IL1RAPL1: variants seen among roughly 807,000 people sequenced by gnomAD.
IL1RAPL1 encodes the protein interleukin 1 receptor accessory protein like 1, also known as interleukin-1 receptor accessory protein-like 1.
Under a neutral mutation model 48.4 loss-of-function variants are expected in IL1RAPL1, and 3 were observed. The ratio of observed to expected loss-of-function variants is 0.06; its 90% CI spans 0.03 to 0.16. The LOEUF (loss-of-function observed/expected upper bound fraction) is 0.16, where lower values mean the gene tolerates loss of function less well. Among genes scored for constraint, IL1RAPL1 ranks in the 10% least tolerant of loss-of-function variants. IL1RAPL1 has a pLI of 1.00. For missense variants in IL1RAPL1, 349 were observed against 530.6 expected (o/e 0.66, Z 3.36); for synonymous variants, 185 against 187.7 (o/e 0.99, Z 0.12).
At chrX:29,282,373 A>G (rs1335110919) in intron 2 of IL1RAPL1, among the ~76,000 whole-genome samples, 2 of 112,107 alleles carry the variant, frequency 1.8e-5, no homozygotes, top group Non-Finnish European at 1.9e-5. Flanking sequence ...CTTGTCAGAA[A>G]TCTGTCTTCT....
intron 5 of IL1RAPL1, among the ~76,000 whole-genome samples, chrX:29,445,846 GA>G (rs776720837): frequency 1.7e-3 from 187 of 111,953 alleles, no homozygotes; most frequent in African/African-American, 5.8e-3. Context: ...GTTCTGAGTT[GA>G]ACAGGATAAA....
intron 2 of IL1RAPL1, among the ~76,000 whole-genome samples, chrX:29,158,541 A>G (rs765503184): frequency 2.7e-5 from 3 of 110,526 alleles, no homozygotes; most frequent in Non-Finnish European, 3.8e-5. Flanking sequence ...ATGCCTGGCT[A>G]AATTTTTATA....
At chrX:28,602,423 G>T (rs1346336036) in intron 1 of IL1RAPL1, among the ~76,000 whole-genome samples, 1 of 111,782 alleles carries the variant, frequency 8.9e-6, no homozygotes, top group African/African-American at 3.3e-5. Flanking sequence ...TTTTTACTCT[G>T]CCACACAATG....
At chrX:28,614,503 T>A (rs1383536124) in intron 1 of IL1RAPL1, among the ~76,000 whole-genome samples, 1 of 111,490 alleles carries the variant, frequency 9.0e-6, no homozygotes, top group East Asian at 2.8e-4. Context: ...TTTTTGTATT[T>A]CTGATTAGAA....
chrX:29,943,337 G>T (rs376074511), intron 9 of IL1RAPL1, among the ~76,000 whole-genome samples: 1 of 111,636 alleles, frequency 9.0e-6, no homozygotes, highest in African/African-American at 3.3e-5. Context: ...GGCATTCTTA[G>T]AGTCATTCTT....
At position 29,535,170 on chromosome X, in the gene IL1RAPL1, C is replaced by CCTTTATT. The variant is rs369235231; in HGVS notation, c.704-133258_704-133252dup. ...AAAAAAAAAAAAAAAAAATTAACTC[C>CCTTTATT]CTTTATTCCTATGAGAACCCCACTG... On this transcript the variant is annotated intron_variant, in intron 5 of 10. Coordinates refer to ENST00000378993, the MANE Select transcript of IL1RAPL1 (RefSeq NM_014271.4). Among the ~76,000 whole-genome samples the CCTTTATT allele has an allele frequency of 7.0e-3, 731 of 103,748 alleles. 7 individuals are homozygous for CCTTTATT. Among genetic ancestry groups the CCTTTATT allele is most frequent in the African/African-American group, 0.025 (693 of 27,905 alleles). 90.1% of individuals were successfully genotyped at this position (103,748 alleles called of 115,157 possible).
intron 1 of IL1RAPL1, among the ~76,000 whole-genome samples, chrX:28,781,762 G>T (rs1009058181): frequency 1.4e-4 from 15 of 111,023 alleles, no homozygotes; most frequent in African/African-American, 3.9e-4. Flanking sequence ...TTTAGAAGCA[G>T]GATGATTGAT....
intron 6 of IL1RAPL1, among the ~76,000 whole-genome samples, chrX:29,790,036 TTC>T (rs1929595465): frequency 9.0e-6 from 1 of 111,530 alleles, no homozygotes; most frequent in Non-Finnish European, 1.9e-5. Flanking sequence ...TGATGAATTT[TTC>T]TCTGTCTGGT....
At chrX:29,450,295 C>A (rs1052929397) in intron 5 of IL1RAPL1, among the ~76,000 whole-genome samples, 2 of 111,712 alleles carry the variant, frequency 1.8e-5, no homozygotes, top group African/African-American at 6.5e-5. Context: ...TAACAAGATT[C>A]CAGGAGGGGA....
chrX:28,649,830 T>G (rs755307029), intron 1 of IL1RAPL1, among the ~76,000 whole-genome samples: 7 of 111,933 alleles, frequency 6.3e-5, no homozygotes. Flanking sequence ...TGCACATAAG[T>G]GCCCTGTTTG....
intron 2 of IL1RAPL1, among the ~76,000 whole-genome samples, chrX:28,997,652 A>G (rs748037862): frequency 2.4e-3 from 268 of 111,635 alleles, no homozygotes; most frequent in Non-Finnish European, 4.1e-3. Context: ...ATGGATAACC[A>G]TAGACATGTC....
At chrX:28,616,437 CTTTT>C (rs1335496099) in intron 1 of IL1RAPL1, among the ~76,000 whole-genome samples, 1 of 100,157 alleles carries the variant, frequency 1.0e-5, no homozygotes. Flanking sequence ...ATTTTTCTTT[CTTTT>C]TTTTTTTTTT....
At chrX:29,172,152 G>T (rs184133614) in intron 2 of IL1RAPL1, among the ~76,000 whole-genome samples, 2 of 112,555 alleles carry the variant, frequency 1.8e-5, no homozygotes, top group East Asian at 5.6e-4. Context: ...AGTTAGCTGT[G>T]AACTGAAGTT....
chrX:28,797,102 T>G (rs917493637), intron 2 of IL1RAPL1, among the ~76,000 whole-genome samples: 1 of 112,117 alleles, frequency 8.9e-6, no homozygotes, highest in Non-Finnish European at 1.9e-5. Context: ...CTGGAGCAGC[T>G]GGGACATAGG....
intron 2 of IL1RAPL1, among the ~76,000 whole-genome samples, chrX:28,917,358 A>T (rs1486990278): frequency 2.7e-5 from 3 of 112,088 alleles, no homozygotes; most frequent in Non-Finnish European, 5.6e-5. Context: ...AATTCTGGAG[A>T]TATTCATGTG....
At chrX:28,943,064 G>A (rs1374595616) in intron 2 of IL1RAPL1, among the ~76,000 whole-genome samples, 3 of 110,284 alleles carry the variant, frequency 2.7e-5, no homozygotes, top group African/African-American at 6.5e-5. Flanking sequence ...GTAGTATAGC[G>A]TTGACTTAGA....
At chrX:28,969,018 ATCAT>A (rs1285565493) in intron 2 of IL1RAPL1, among the ~76,000 whole-genome samples, 1 of 112,503 alleles carries the variant, frequency 8.9e-6, no homozygotes, top group Non-Finnish European at 1.9e-5. Context: ...TGTCTATCTT[ATCAT>A]TCATTCAGCC....
chrX:28,808,733 C>T (rs192258950), intron 2 of IL1RAPL1, among the ~76,000 whole-genome samples: 1 of 110,235 alleles, frequency 9.1e-6, no homozygotes, highest in African/African-American at 3.3e-5. Flanking sequence ...AAATATGAAG[C>T]CTTTTAAATT....
intron 1 of IL1RAPL1, chrX:28,659,227 A>T (rs1934787295): frequency 4.0e-6 from 3 of 741,787 alleles, no homozygotes; most frequent in Non-Finnish European, 6.2e-6. Context: ...GGAAGCGCAG[A>T]TCTGTTTTAA....
Sources: gnomAD v4.1 joint callset for allele counts (sites outside exome capture counted in the v4.1 genomes callset) on GRCh38, gnomAD v4.1.1 for gene constraint, MANE v1.5 for transcripts, NCBI Gene and HGNC (gene_info 2026-07-23, HGNC 2026-07-21) for gene names.